The following GRK2 variants were observed in gnomAD, a reference collection of about 807,000 sequenced individuals.
GRK2 encodes G protein-coupled receptor kinase 2, also known as adrenergic beta receptor kinase 1.
A neutral mutation model predicts 97.8 loss-of-function variants in GRK2; 23 were observed. The observed-to-expected ratio is 0.24, with a 90% CI of 0.17 to 0.33. GRK2 has a LOEUF of 0.33. GRK2 is among the 10% of genes least tolerant of loss of function. GRK2 has a pLI of 1.00. For synonymous variants in GRK2, 425 were observed against 381.7 expected, an observed-to-expected ratio of 1.11 and a Z score of -1.32; for missense variants, 633 against 956.9, an observed-to-expected ratio of 0.66 and a Z score of 4.47.
intron 6 of GRK2, 166 bp from the exon 7 acceptor site, chr11:67,280,566 G>T: frequency 1.3e-6 from 1 of 786,604 alleles, no homozygotes. Flanking sequence ...CTGTGGGCGG[G>T]CAGGCCCTCA....
intron 1 of GRK2, among the ~76,000 whole-genome samples, chr11:67,268,371 G>C (rs936961769): frequency 2.0e-5 from 3 of 152,068 alleles, no homozygotes; most frequent in Non-Finnish European, 4.4e-5. Context: ...TTTTTTCTAA[G>C]ACATTTGCAA....
chr11:67,273,750 T>A (rs576427466), intron 1 of GRK2, among the ~76,000 whole-genome samples: 16 of 152,198 alleles, frequency 1.1e-4, no homozygotes, highest in Non-Finnish European at 2.2e-4. Context: ...CTGGGAAGAA[T>A]GTGGTGGCCA....
chr11:67,271,239 T>G (rs770916635), intron 1 of GRK2, among the ~76,000 whole-genome samples: 1 of 152,264 alleles, frequency 6.6e-6, no homozygotes, highest in African/African-American at 2.4e-5. Context: ...TGGAGCTATA[T>G]TCACGTTATT....
At position 67,269,036 on chromosome 11, in the gene GRK2, G is replaced by A. The variant is rs892462415; in HGVS notation, c.113+2224G>A. Reference sequence around the variant, plus strand: ...CCCACATCTGTGAAACGGACTGGAGGTGCGAGCGCCGAATGTCAGTGCGCT... The same window carrying A: ...CCCACATCTGTGAAACGGACTGGAGATGCGAGCGCCGAATGTCAGTGCGCT... On this transcript the variant is annotated intron_variant, in intron 1 of 20. Coordinates refer to ENST00000308595, the MANE Select transcript of GRK2 (RefSeq NM_001619.5). This position sits in a 1 kb window ranked among gnomAD's most constrained non-coding sequence, Gnocchi z 4.1. Among the ~76,000 whole-genome samples the A allele has an allele frequency of 5.9e-5, 9 of 152,234 alleles. No individual in the cohort carries two copies. The highest frequency in any genetic ancestry group is 2.2e-4 in the African/African-American group (9 of 41,462).
Position 67,281,253 on chromosome 11 carries a change from G to T in GRK2, c.647+69G>T. 5 of 1,431,186 alleles carry T rather than the reference G, an allele frequency of 3.5e-6. No individual in the cohort carries two copies. Among genetic ancestry groups the T allele is most frequent in the Non-Finnish European group, 4.9e-6 (5 of 1,028,204 alleles). The allele number at this position is 1,431,186 out of a possible 1,614,324, so 88.7% of individuals were successfully genotyped here. ...GCTCCTGGGGGACCCTGACAGGCCG[G>T]GTTCCACACAGGGCCACCTGCTGCT... On this transcript the variant is annotated intron_variant, in intron 8 of 20. Coordinates refer to ENST00000308595, the MANE Select transcript of GRK2 (RefSeq NM_001619.5). The surrounding 1 kb of genome is among the most constrained non-coding windows in gnomAD (Gnocchi z 5.7).
At position 67,282,625 on chromosome 11, in the gene GRK2, G is replaced by A. The variant is rs1860179365; in HGVS notation, c.1160+83G>A. 3 of 1,559,958 alleles carry A rather than the reference G, an allele frequency of 1.9e-6. No individual in the cohort carries two copies. The Admixed American group carries it at 5.1e-5, about 27-fold the overall frequency. On this transcript the variant is annotated intron_variant, in intron 13 of 20. Coordinates refer to ENST00000308595, the MANE Select transcript of GRK2 (RefSeq NM_001619.5). The surrounding 1 kb of genome is among the most constrained non-coding windows in gnomAD (Gnocchi z 6.9). ...ATCCAGGTGGGATGCCAAAGGAGGG[G>A]AGCCCATAGCTGCCTTGGTGGTAGG...
chr11:67,276,980 C>T lies in GRK2; in HGVS notation c.114-292C>T. 1 of 291,934 alleles carries T rather than the reference C, an allele frequency of 3.4e-6. No individual in the cohort carries two copies. Among genetic ancestry groups the T allele is most frequent in the South Asian group, 7.5e-5 (1 of 13,276 alleles). 18.1% of individuals were successfully genotyped at this position (291,934 alleles called of 1,614,324 possible). On this transcript the variant is annotated intron_variant, in intron 1 of 20. Coordinates refer to ENST00000308595, the MANE Select transcript of GRK2 (RefSeq NM_001619.5). This position sits in a 1 kb window ranked among gnomAD's most constrained non-coding sequence, Gnocchi z 4.2. ...GACTTGGCCAAGTTCCCAAAGCCAG[C>T]CGGTGGCATCACTGGGACGAGACCC...
chr11:67,277,075 G>A (rs1022091126), intron 1 of GRK2, 197 bp from the exon 2 acceptor site: 11 of 497,722 alleles, frequency 2.2e-5, no homozygotes, highest in South Asian at 1.0e-4. Flanking sequence ...ACAGCCTGGC[G>A]GGGGCGGTGC....
chr11:67,284,810 G>T (rs373893938), intron 18 of GRK2, 37 bp from the exon 19 acceptor site: 3 of 1,602,874 alleles, frequency 1.9e-6, no homozygotes, highest in Admixed American at 1.7e-5. Context: ...AGAAACCCAG[G>T]TGGGGCCGGC....
intron 1 of GRK2, among the ~76,000 whole-genome samples, chr11:67,270,388 C>T (rs1859881391): frequency 6.6e-6 from 1 of 150,668 alleles, no homozygotes; most frequent in South Asian, 2.1e-4. Context: ...GTTTCCTGGT[C>T]CCTCCCCCAC....
rs769791932 is a variant in GRK2, at chr11:67,279,298, G to C, written c.264+25G>C. The C allele has an allele frequency of 3.2e-5, 52 of 1,612,482 alleles. No homozygotes were observed. In the Admixed American group the frequency reaches 8.7e-4, roughly 27 times the overall value. On this transcript the variant is annotated intron_variant, in intron 3 of 20. Coordinates refer to ENST00000308595, the MANE Select transcript of GRK2 (RefSeq NM_001619.5). The stretch of plus-strand genomic sequence containing the variant: ...GGTGAGACCCAGAGGCCCAAGCCCT[G>C]CTCTGCCTGGAGAAAGGGGAGGAGG...
At chr11:67,284,161 TC>T in intron 17 of GRK2, 49 bp from the exon 18 acceptor site, 1 of 1,607,252 alleles carries the variant, frequency 6.2e-7, no homozygotes, top group Non-Finnish European at 8.5e-7. Context: ...CTGATGGTAT[TC>T]CGGCATCTCT....
At chr11:67,277,481 C>T (rs980148082) in intron 2 of GRK2, 133 bp downstream of exon 2, 36 of 780,256 alleles carry the variant, frequency 4.6e-5, no homozygotes, top group African/African-American at 1.5e-4. Flanking sequence ...AGCGAGACCC[C>T]AGGGCTTGCT....
chr11:67,284,419 A>T (rs1295322161), intron 18 of GRK2, 46 bp downstream of exon 18: 1 of 1,597,002 alleles, frequency 6.3e-7, no homozygotes, highest in African/African-American at 1.3e-5. Flanking sequence ...GCCTGCTTAG[A>T]AGTGAGCAGC....
At chr11:67,277,443 C>A in intron 2 of GRK2, 95 bp downstream of exon 2, 1 of 1,171,256 alleles carries the variant, frequency 8.5e-7, no homozygotes, top group Non-Finnish European at 1.3e-6. Context: ...AGAGATTTGG[C>A]CTCCCATCCA....
Position 67,266,737 on chromosome 11 carries a change from A to G in GRK2, c.38A>G (p.Tyr13Cys). ...GAGGCGGTGCTGGCCGACGTGAGCT[A>G]CCTGATGGCCATGGAGAAGAGCAAG... ...DLEAVLADVS[Y>C]LMAMEKSKAT... is the part of the protein sequence containing the mutation. The change falls in exon 1 of 21, where the codon TAC (tyrosine) becomes TGC (cysteine). Residue 13 changes from tyrosine (Y) to cysteine (C), a missense_variant. Transcript: ENST00000308595. 7.4e-7 allele frequency: 1 copy of G among 1,360,096 alleles called. No homozygotes were observed. The highest frequency in any genetic ancestry group is 9.6e-7 in the Non-Finnish European group (1 of 1,043,694). 84.3% of individuals were successfully genotyped at this position (1,360,096 alleles called of 1,614,324 possible).
In GRK2 at chr11:67,286,313, C is replaced by A. The variant is rs1017304241; in HGVS notation, c.*863C>A. 32 of 673,406 alleles carry A rather than the reference C, an allele frequency of 4.8e-5. No homozygotes were observed. Among genetic ancestry groups the A allele is most frequent in the Non-Finnish European group, 8.0e-5 (30 of 374,762 alleles). The allele number at this position is 673,406 out of a possible 1,614,324, so 41.7% of individuals were successfully genotyped here. A position where few individuals can be genotyped will look rare whatever the true frequency, so the allele number is the denominator to read the frequency against. The stretch of plus-strand genomic sequence containing the variant: ...CCCCCATCCTGGCCCATCAGTGTAC[C>A]CCCGCCCAGGCTGGCCAGCCCCACA... On this transcript the variant is annotated 3_prime_UTR_variant, in exon 21 of 21. Coordinates refer to ENST00000308595, the MANE Select transcript of GRK2 (RefSeq NM_001619.5).
In GRK2 at chr11:67,281,302, C is replaced by A; in HGVS notation, c.647+118C>A. The A allele has an allele frequency of 1.8e-6, 2 of 1,093,476 alleles. No individual in the cohort carries two copies. Among genetic ancestry groups the A allele is most frequent in the Non-Finnish European group, 2.7e-6 (2 of 742,478 alleles). The allele number at this position is 1,093,476 out of a possible 1,614,324, so 67.7% of individuals were successfully genotyped here. ...CTCCATGCACTCCTGTCTTGCCGTG[C>A]TGTTACCCCCGCAGGCTCCTCTGGC... On this transcript the variant is annotated intron_variant, in intron 8 of 20. Coordinates refer to ENST00000308595, the MANE Select transcript of GRK2 (RefSeq NM_001619.5). The surrounding 1 kb of genome is among the most constrained non-coding windows in gnomAD (Gnocchi z 5.7).
At chr11:67,280,099 C>T in intron 6 of GRK2, 199 bp downstream of exon 6, 1 of 607,288 alleles carries the variant, frequency 1.6e-6, no homozygotes, top group Non-Finnish European at 2.9e-6. Context: ...CTCCTCAGCA[C>T]CAGGCAGCTC....
Sources: gnomAD v4.1 joint callset for allele counts (sites outside exome capture counted in the v4.1 genomes callset) on GRCh38, gnomAD v4.1.1 for gene constraint, Gnocchi (gnomAD v3.1) non-coding constraint, MANE v1.5 for transcripts, NCBI Gene and HGNC (gene_info 2026-07-23, HGNC 2026-07-21) for gene names.